COBLL1: variants seen among roughly 807,000 people sequenced by gnomAD.
The protein encoded by COBLL1 is cordon-bleu WH2 repeat protein like 1.
COBLL1 carries 50 observed loss-of-function variants against 94.8 expected under a neutral mutation model. The ratio of observed to expected loss-of-function variants is 0.53; its 90% CI spans 0.42 to 0.67. The LOEUF (loss-of-function observed/expected upper bound fraction) is 0.67, where lower values mean the gene tolerates loss of function less well. Among genes scored for constraint, COBLL1 ranks in the 30% least tolerant of loss-of-function variants. The probability of loss-of-function intolerance (pLI) is 0.00; values close to 1 mark genes in which losing one functional copy is unlikely to be tolerated. For missense variants in COBLL1, 1,362 were observed against 1,348.7 expected (o/e 1.01, Z -0.15); for synonymous variants, 448 against 473.8 (o/e 0.95, Z 0.71).
chr2:164,817,534 G>T (rs192809411), intron 2 of COBLL1, among the ~76,000 whole-genome samples: 1 of 151,984 alleles, frequency 6.6e-6, no homozygotes, highest in Non-Finnish European at 1.5e-5. Flanking sequence ...TTCTCCTCAC[G>T]CTACGTTACT....
At chr2:164,700,043 A>C (rs559392162) in intron 10 of COBLL1, among the ~76,000 whole-genome samples, 1 of 152,192 alleles carries the variant, frequency 6.6e-6, no homozygotes, top group Admixed American at 6.5e-5. Flanking sequence ...GGACTAGACT[A>C]TAGCTGTCTG....
At chr2:164,789,229 A>G (rs759061552) in intron 2 of COBLL1, among the ~76,000 whole-genome samples, 11 of 152,108 alleles carry the variant, frequency 7.2e-5, no homozygotes, top group Non-Finnish European at 1.2e-4. Flanking sequence ...AGGGTATTAG[A>G]TTGGTCATAC....
intron 2 of COBLL1, among the ~76,000 whole-genome samples, chr2:164,822,729 ATATTATATTATTATTATTAT>A (rs1685227817): frequency 2.9e-5 from 2 of 69,318 alleles, no homozygotes; most frequent in African/African-American, 1.3e-4. Context: ...TGAAAAGATT[ATATTATATTATTATTATTAT>A]TATTATTATT....
rs1683928775 is a variant in COBLL1, at chr2:164,696,070, T to C, written c.1556-234A>G. The C allele has an allele frequency of 9.6e-6, 4 of 417,670 alleles. 1 individual carries two copies. Among genetic ancestry groups the C allele is most frequent in the African/African-American group, 4.1e-5 (2 of 48,336 alleles). The allele number at this position is 417,670 out of a possible 1,614,324, so 25.9% of individuals were successfully genotyped here. A position where few individuals can be genotyped will look rare whatever the true frequency, so the allele number is the denominator to read the frequency against. On this transcript the variant is annotated intron_variant, in intron 11 of 13. Coordinates refer to ENST00000652658, the MANE Select transcript of COBLL1 (RefSeq NM_001365672.2). ...AACTAGTGTGGCCACAACATGTTAA[T>C]TAACCCCTTTGAGCCTCAGTTTGCT...
chr2:164,659,039 C>T (rs543920887), intron 2 of COBLL1, among the ~76,000 whole-genome samples: 35 of 152,248 alleles, frequency 2.3e-4, no homozygotes, highest in African/African-American at 7.9e-4. Context: ...TAATGGCTTC[C>T]TGATGTTTGA....
intron 11 of COBLL1, chr2:164,696,604 T>C (rs1683958369): frequency 6.6e-6 from 1 of 152,184 alleles, no homozygotes; most frequent in South Asian, 2.1e-4. Context: ...GAAAATAACC[T>C]TCCTCTCCCT....
chr2:164,771,807 T>C (rs920006374), intron 2 of COBLL1: 16 of 152,016 alleles, frequency 1.1e-4, no homozygotes, highest in African/African-American at 3.9e-4. Context: ...GTTATAGCTA[T>C]GTAACTTCAA....
intron 2 of COBLL1, among the ~76,000 whole-genome samples, chr2:164,762,619 A>G (rs1224706077): frequency 1.3e-5 from 2 of 152,226 alleles, no homozygotes; most frequent in East Asian, 3.8e-4. Flanking sequence ...ATCATCTTAA[A>G]TCACTTGCAT....
At chr2:164,811,980 C>CA (rs1174555932) in intron 2 of COBLL1, among the ~76,000 whole-genome samples, 13 of 151,834 alleles carry the variant, frequency 8.6e-5, no homozygotes, top group Non-Finnish European at 1.8e-4. Context: ...AAAATACCTG[C>CA]AGCATGGTCT....
chr2:164,667,271 A>C (rs971795751), intron 1 of COBLL1, among the ~76,000 whole-genome samples: 11 of 152,172 alleles, frequency 7.2e-5, no homozygotes, highest in Non-Finnish European at 1.6e-4. Context: ...GCTGTCATCC[A>C]TGCTTTGGTG....
At chr2:164,826,108 G>A (rs1452512242) in intron 2 of COBLL1, among the ~76,000 whole-genome samples, 1 of 152,168 alleles carries the variant, frequency 6.6e-6, no homozygotes, top group Non-Finnish European at 1.5e-5. Context: ...TCAAAGAAAT[G>A]CAGTTAGAGT....
chr2:164,795,509 G>T (rs1025271985), intron 2 of COBLL1, among the ~76,000 whole-genome samples: 1 of 152,010 alleles, frequency 6.6e-6, no homozygotes, highest in Non-Finnish European at 1.5e-5. Context: ...TACTCCCAGA[G>T]TATCTAGATT....
At chr2:164,783,244 A>G (rs867309583) in intron 2 of COBLL1, among the ~76,000 whole-genome samples, 1 of 152,124 alleles carries the variant, frequency 6.6e-6, no homozygotes, top group Non-Finnish European at 1.5e-5. Flanking sequence ...TCTACTAAAA[A>G]TAAATATTAG....
At chr2:164,819,787 T>C (rs1161294875) in intron 2 of COBLL1, among the ~76,000 whole-genome samples, 2 of 150,178 alleles carry the variant, frequency 1.3e-5, no homozygotes, top group Non-Finnish European at 1.5e-5. Context: ...AAAGAACATG[T>C]AGTTTTTTTT....
chr2:164,816,390 C>T (rs1474711474), intron 2 of COBLL1, among the ~76,000 whole-genome samples: 1 of 152,094 alleles, frequency 6.6e-6, no homozygotes, highest in African/African-American at 2.4e-5. Flanking sequence ...ACCAGACACC[C>T]CGCATTCTCA....
rs1338179017 is a variant in COBLL1, at chr2:164,818,377, TG to T, written c.41+22778del. 2.7e-5 allele frequency among the ~76,000 whole-genome samples: 4 copies of T among 149,166 alleles called. No homozygotes were observed. The East Asian group carries it at 7.8e-4, about 29-fold the overall frequency. On this transcript the variant is annotated intron_variant, in intron 2 of 13. Coordinates refer to ENST00000652658, the MANE Select transcript of COBLL1 (RefSeq NM_001365672.2). ...GCATATACGTATGTGTACATGCGTA[TG>T]TGTGCATGTACATATACATGTGTAC...
chr2:164,713,928 A>C (rs1455361320), intron 7 of COBLL1, among the ~76,000 whole-genome samples: 1 of 152,158 alleles, frequency 6.6e-6, no homozygotes, highest in Non-Finnish European at 1.5e-5. Context: ...AAAATAGCAT[A>C]ATTTTGTAAT....
At chr2:164,761,661 C>A (rs1035141235) in intron 2 of COBLL1, among the ~76,000 whole-genome samples, 1 of 151,978 alleles carries the variant, frequency 6.6e-6, no homozygotes, top group African/African-American at 2.4e-5. Context: ...TTATTGTTGG[C>A]AAATCATAAA....
intron 11 of COBLL1, among the ~76,000 whole-genome samples, 184 bp downstream of exon 11, chr2:164,699,221 T>C (rs1235175081): frequency 6.6e-5 from 10 of 152,046 alleles, no homozygotes; most frequent in Admixed American, 3.9e-4. Flanking sequence ...TTATTTAATA[T>C]CTCTGTGGCA....
Sources: gnomAD v4.1 joint callset for allele counts (sites outside exome capture counted in the v4.1 genomes callset) on GRCh38, gnomAD v4.1.1 for gene constraint, MANE v1.5 for transcripts, NCBI Gene and HGNC (gene_info 2026-07-23, HGNC 2026-07-21) for gene names.